LRRC7: variants seen among roughly 807,000 people sequenced by gnomAD.
The protein encoded by LRRC7 is leucine rich repeat containing 7.
In LRRC7, 23 loss-of-function variants were observed where a neutral mutation model predicts 175.7. That is an observed-to-expected ratio of 0.13 (90% CI 0.09 to 0.19). LRRC7 has a LOEUF of 0.19. Among genes scored for constraint, LRRC7 ranks in the 10% least tolerant of loss-of-function variants. The pLI is 1.00. For missense variants in LRRC7, 1,354 were observed against 1,904.7 expected, an observed-to-expected ratio of 0.71 and a Z score of 5.38; for synonymous variants, 685 against 680.9, an observed-to-expected ratio of 1.01 and a Z score of -0.09.
chr1:69,989,510 T>C (rs943558715), intron 10 of LRRC7, among the ~76,000 whole-genome samples: 3 of 152,002 alleles, frequency 2.0e-5, no homozygotes, highest in African/African-American at 4.8e-5. Context: ...TATAGTCAGG[T>C]ATAAAATTTG....
intron 11 of LRRC7, 138 bp downstream of exon 11, chr1:69,994,771 T>C (rs12024978): frequency 0.053 from 27,851 of 523,664 alleles, 849 homozygotes; most frequent in South Asian, 0.099. Context: ...TAAACCATAT[T>C]TTATTTATAT....
chr1:69,972,980 CTATA>C (rs146952864), intron 8 of LRRC7, among the ~76,000 whole-genome samples: 1 of 140,736 alleles, frequency 7.1e-6, no homozygotes, highest in African/African-American at 2.6e-5. Flanking sequence ...TATATAAATA[CTATA>C]TATATAAATA....
chr1:70,048,001 A>G (rs141998453), intron 22 of LRRC7, among the ~76,000 whole-genome samples: 65 of 152,038 alleles, frequency 4.3e-4, no homozygotes, highest in African/African-American at 1.5e-3. Flanking sequence ...TCATTTATTC[A>G]TCTATCATTT....
rs535853022 is a variant in LRRC7 at position 69,882,095 on chromosome 1, A to C, written c.647+43812A>C. On this transcript the variant is annotated intron_variant, in intron 7 of 26. Transcript: ENST00000651989. ...ATGTAAATAAACATTTTTCCAAAGA[A>C]GACTTATGAATGACAACAAGTATAT... Among the ~76,000 whole-genome samples the C allele has an allele frequency of 4.1e-4, 63 of 152,150 alleles. 1 individual carries two copies. The highest frequency in any genetic ancestry group is 1.6e-4 in the Non-Finnish European group (11 of 68,006).
chr1:69,937,916 G>C (rs1034890989), intron 8 of LRRC7, among the ~76,000 whole-genome samples: 1 of 151,650 alleles, frequency 6.6e-6, no homozygotes, highest in Admixed American at 6.6e-5. Context: ...TCAGAACTTG[G>C]AGACTTGATG....
rs79555720 is a variant in LRRC7 at position 70,120,668 on chromosome 1, C to T, written c.4621-1112C>T. Among the ~76,000 whole-genome samples the T allele has an allele frequency of 3.3e-3, 504 of 152,010 alleles. 7 individuals are homozygous for T. The highest frequency in any genetic ancestry group is 0.012 in the African/African-American group (485 of 41,494). ...AAAATAGTAAGTAAAATAAAAAAGG[C>T]AATGTGTAACCAAAATAAGTATCAG... On this transcript the variant is annotated intron_variant, in intron 26 of 26. Transcript: ENST00000651989.
chr1:70,112,778 C>G (rs1285049077), intron 26 of LRRC7, among the ~76,000 whole-genome samples: 1 of 151,924 alleles, frequency 6.6e-6, no homozygotes, highest in Non-Finnish European at 1.5e-5. Context: ...AGCAGAAGTT[C>G]CTCCAGGCTT....
chr1:69,892,919 A>G (rs180952566), intron 7 of LRRC7, among the ~76,000 whole-genome samples: 161 of 152,336 alleles, frequency 1.1e-3, no homozygotes, highest in African/African-American at 3.7e-3. Flanking sequence ...TTAAGAAATC[A>G]AATTACTTAT....
chr1:69,902,900 TTTGA>T (rs767805909), intron 7 of LRRC7, among the ~76,000 whole-genome samples: 11 of 152,220 alleles, frequency 7.2e-5, no homozygotes, highest in Admixed American at 6.5e-5. Flanking sequence ...TTTACAGTTC[TTTGA>T]TTGAAGTGAG....
chr1:69,717,824 A>G (rs575528209), intron 2 of LRRC7, among the ~76,000 whole-genome samples: 7 of 47,500 alleles, frequency 1.5e-4, no homozygotes, highest in Admixed American at 2.3e-4. Flanking sequence ...GAAAGAAAGA[A>G]AGAAAGAAAG....
chr1:70,084,429 A>T (rs61784290), intron 24 of LRRC7, among the ~76,000 whole-genome samples: 23,379 of 152,070 alleles, frequency 0.15, 2,871 homozygotes, highest in African/African-American at 0.33. Flanking sequence ...TATTTTTGTG[A>T]TTTGCTCCTT....
chr1:69,778,975 T>C (rs12041656), intron 3 of LRRC7, among the ~76,000 whole-genome samples: 2,617 of 116,594 alleles, frequency 0.022, 179 homozygotes, highest in African/African-American at 0.056. Context: ...TATATATATA[T>C]ACACACACAC....
chr1:70,105,901 A>G (rs1665112211), intron 25 of LRRC7, among the ~76,000 whole-genome samples: 2 of 152,294 alleles, frequency 1.3e-5, no homozygotes, highest in Non-Finnish European at 2.9e-5. Flanking sequence ...GATAAAAATC[A>G]TTCAAAAGTC....
At chr1:70,053,266 A>G (rs1660881497) in intron 23 of LRRC7, 121 bp downstream of exon 23, 3 of 900,872 alleles carry the variant, frequency 3.3e-6, no homozygotes, top group Non-Finnish European at 4.7e-6. Context: ...GGTAAATATT[A>G]TGCTACTACA....
intron 4 of LRRC7, among the ~76,000 whole-genome samples, chr1:69,809,184 T>C (rs540598873): frequency 3.3e-5 from 5 of 152,108 alleles, no homozygotes; most frequent in Non-Finnish European, 7.4e-5. Context: ...AAGAAATGGA[T>C]AAATTCCTGA....
intron 26 of LRRC7, among the ~76,000 whole-genome samples, chr1:70,115,298 T>G (rs1372731716): frequency 6.6e-6 from 1 of 152,234 alleles, no homozygotes; most frequent in Admixed American, 6.5e-5. Context: ...ATTTTTTGTG[T>G]AAGGTTGCAA....
At chr1:70,059,979 T>C (rs1553197982) in intron 23 of LRRC7, among the ~76,000 whole-genome samples, 1 of 151,936 alleles carries the variant, frequency 6.6e-6, no homozygotes, top group Non-Finnish European at 1.5e-5. Flanking sequence ...ATCTAGAAAT[T>C]TAAATAAATA....
chr1:69,695,452 C>A lies in LRRC7; in HGVS notation c.100+16974C>A, dbSNP rs551771413. Reference sequence around the variant, plus strand: ...CATAAAAGTTTAGAAAATTCACAGCCTGGCCATGTGATAGAGAAGGAAAGG... The same window carrying A: ...CATAAAAGTTTAGAAAATTCACAGCATGGCCATGTGATAGAGAAGGAAAGG... On this transcript the variant is annotated intron_variant, in intron 2 of 26. Transcript: ENST00000651989. 4.6e-5 allele frequency among the ~76,000 whole-genome samples: 7 copies of A among 152,250 alleles called. No individual in the cohort carries two copies. The South Asian group carries it at 1.0e-3, about 23-fold the overall frequency.
rs1240278004 is a variant in LRRC7, at chr1:69,887,844, C to T, written c.648-43663C>T. ...TTAGTTTTCCTTCTAACAGACAGGA[C>T]CCTCAGCTGCAGGTCTGTTGGAATA... is the stretch of plus-strand genomic sequence containing the variant. On this transcript the variant is annotated intron_variant, in intron 7 of 26. Coordinates refer to ENST00000651989, the MANE Select transcript of LRRC7 (RefSeq NM_001370785.2). Among the ~76,000 whole-genome samples, 33 of 147,364 alleles carry T rather than the reference C, an allele frequency of 2.2e-4. No individual in the cohort carries two copies. The Middle Eastern group carries it at 0.017, about 76-fold the overall frequency.
Sources: allele counts gnomAD v4.1 joint callset (sites outside exome capture counted in the v4.1 genomes callset), GRCh38; gene constraint gnomAD v4.1.1; transcripts MANE v1.5; gene names NCBI Gene and HGNC (gene_info 2026-07-23, HGNC 2026-07-21).